The following SSC4D variants were observed in gnomAD, a reference collection of about 807,000 sequenced individuals.
SSC4D encodes the protein scavenger receptor cysteine rich family member with 4 domains, also known as scavenger receptor cysteine-rich domain-containing group B protein.
Under a neutral mutation model 63.4 loss-of-function variants are expected in SSC4D, and 57 were observed. The ratio of observed to expected loss-of-function variants is 0.90; its 90% CI spans 0.73 to 1.12. SSC4D has a LOEUF of 1.12. SSC4D is among the 50% of genes most tolerant of loss of function. The pLI is 0.00. For synonymous variants in SSC4D, 352 were observed against 345.4 expected, an observed-to-expected ratio of 1.02 and a Z score of -0.21; for missense variants, 791 against 806.4, an observed-to-expected ratio of 0.98 and a Z score of 0.23.
chr7:76,395,496 C>T (rs1251325074), intron 6 of SSC4D, among the ~76,000 whole-genome samples, 166 bp from the exon 7 acceptor site: 2 of 152,196 alleles, frequency 1.3e-5, no homozygotes, highest in African/African-American at 4.8e-5. Flanking sequence ...CCTGTCCCCA[C>T]TTTGATAGTG....
At chr7:76,395,015 C>T (rs1804604089) in intron 7 of SSC4D, among the ~76,000 whole-genome samples, 1 of 151,914 alleles carries the variant, frequency 6.6e-6, no homozygotes. Flanking sequence ...AATTTTACTT[C>T]TGTGCTTTGA....
chr7:76,397,592 A>G lies in SSC4D; in HGVS notation c.794T>C (p.Leu265Pro). Residue 265 changes from leucine to proline, a missense_variant, in exon 6 of 11, where the codon CTG (leucine) becomes CCG (proline). Coordinates refer to ENST00000275560, the MANE Select transcript of SSC4D (RefSeq NM_080744.2). ...NVHCEGGEPRLAACQSLGWGV... is the reference protein window; with the variant it reads ...NVHCEGGEPRPAACQSLGWGV... ...CCAGCCCAGGCTCTGGCAGGCTGCC[A>G]GGCGGGGCTCGCCGCCTTCGCAGTG... 1 of 1,611,286 alleles carries G rather than the reference A, an allele frequency of 6.2e-7. No individual in the cohort carries two copies. Among genetic ancestry groups the G allele is most frequent in the Non-Finnish European group, 8.5e-7 (1 of 1,179,008 alleles).
rs765193217 is a variant in SSC4D, at chr7:76,397,696, C to T, written c.690G>A (p.Leu230=). 4 of 1,613,356 alleles carry T rather than the reference C, an allele frequency of 2.5e-6. No homozygotes were observed. The highest frequency in any genetic ancestry group is 1.3e-5 in the African/African-American group (1 of 74,938). ...LPDAAVVCRQ[L]GCGAAMAATT... is the part of the protein sequence containing the mutation. ...TGGCGGCCATGGCCGCCCCGCAGCC[C>T]AGCTGACGACAGACCACAGCGGCAT... The change falls in exon 6 of 11, where the codon CTG becomes CTA. Residue 230 remains leucine (L), a synonymous_variant. Coordinates refer to ENST00000275560, the MANE Select transcript of SSC4D (RefSeq NM_080744.2).
In SSC4D at chr7:76,390,034, G is replaced by C; in HGVS notation, c.*25C>G. The C allele has an allele frequency of 6.2e-7, 1 of 1,613,536 alleles. No homozygotes were observed. The highest frequency in any genetic ancestry group is 8.5e-7 in the Non-Finnish European group (1 of 1,179,588). ...AGGGAGGTCACAGCTCCCAGAAGAA[G>C]AGGTGGTCTGCAGAGCGGGCTGGGT... On this transcript the variant is annotated 3_prime_UTR_variant, in exon 11 of 11. Transcript: ENST00000275560.
rs756213308 is a variant in SSC4D at position 76,397,538 on chromosome 7, T to G, written c.848A>C (p.Asp283Ala). ...CGCACCTGCGCAGAGCGCGCCCGCG[T>G]CCTCGTGGTGGCCGCAGTTGTGCAC... ...WGVHNCGHHE[D>A]AGALCAGLGP... The change falls in exon 6 of 11, where the codon GAC (aspartate) becomes GCC (alanine). Residue 283 changes from aspartate to alanine, a missense_variant. Asp to Ala is a moderately radical substitution (Grantham distance 126). Transcript: ENST00000275560. The G allele has an allele frequency of 5.6e-5, 88 of 1,582,084 alleles. No individual in the cohort carries two copies. Among genetic ancestry groups the G allele is most frequent in the Non-Finnish European group, 7.6e-5 (88 of 1,164,976 alleles).
intron 6 of SSC4D, 59 bp downstream of exon 6, chr7:76,397,459 A>T (rs562448682): frequency 2.8e-6 from 4 of 1,435,520 alleles, no homozygotes; most frequent in Non-Finnish European, 3.6e-6. Flanking sequence ...CTCCTCCAGC[A>T]TTGCCACAGG....
chr7:76,405,271 TTATATATATATATA>T lies in SSC4D; in HGVS notation c.-66-780_-66-767del, dbSNP rs1171830870. 9.8e-3 allele frequency among the ~76,000 whole-genome samples: 90 copies of T among 9,138 alleles called. 1 individual carries two copies. The highest frequency in any genetic ancestry group is 0.016 in the East Asian group (2 of 128). The allele number at this position is 9,138 out of a possible 152,430, so 6.0% of individuals were successfully genotyped here. On this transcript the variant is annotated intron_variant, in intron 1 of 10. Coordinates refer to ENST00000275560, the MANE Select transcript of SSC4D (RefSeq NM_080744.2). ...GGCGTGCATCACCACACCCAGCTAA[TTATATATATATATA>T]TATATATATATATATATATATATAT...
chr7:76,401,186 A>G, intron 2 of SSC4D, 143 bp from the exon 3 acceptor site: 1 of 1,209,954 alleles, frequency 8.3e-7, no homozygotes, highest in Non-Finnish European at 1.1e-6. Flanking sequence ...CCAAAGCCCC[A>G]TTGTCTCTTT....
At chr7:76,394,609 G>A (rs1266995627) in intron 7 of SSC4D, among the ~76,000 whole-genome samples, 1 of 149,206 alleles carries the variant, frequency 6.7e-6, no homozygotes, top group African/African-American at 2.4e-5. Context: ...TGTATTTTTA[G>A]TAGGGATGGG....
chr7:76,393,927 G>A (rs1313942740), intron 7 of SSC4D, 23 bp from the exon 8 acceptor site: 2 of 1,582,842 alleles, frequency 1.3e-6, no homozygotes, highest in South Asian at 2.3e-5. Context: ...GGCATCTAGG[G>A]CGTTCGAAGG....
chr7:76,400,607 A>G lies in SSC4D; in HGVS notation c.170-16T>C. On this transcript the variant is annotated splice_polypyrimidine_tract_variant and intron_variant, in intron 3 of 10. Coordinates refer to ENST00000275560, the MANE Select transcript of SSC4D (RefSeq NM_080744.2). ...AGCCTCAGCTCTGTGAAGAGGGTGG[A>G]GCTGGCACCAGGGGGTCACTGAGTC... 1 of 1,439,684 alleles carries G rather than the reference A, an allele frequency of 6.9e-7. No homozygotes were observed. The highest frequency in any genetic ancestry group is 1.5e-5 in the South Asian group (1 of 67,676). The allele number at this position is 1,439,684 out of a possible 1,614,324, so 89.2% of individuals were successfully genotyped here.
rs1465844644 is a variant in SSC4D at position 76,397,725 on chromosome 7, G to A, written c.661C>T (p.Pro221Ser). 6.2e-7 allele frequency: 1 copy of A among 1,613,326 alleles called. No individual in the cohort carries two copies. The highest frequency in any genetic ancestry group is 8.5e-7 in the Non-Finnish European group (1 of 1,179,814). Residue 221 changes from proline (P) to serine (S), a missense_variant, in exon 6 of 11, where the codon CCG (proline) becomes TCG (serine). Transcript: ENST00000275560. ...TGACGACAGACCACAGCGGCATCCG[G>A]CAGCCCCCAGTCGTCGTCACACACG... ...GTVCDDDWGL[P>S]DAAVVCRQLG...
intron 6 of SSC4D, among the ~76,000 whole-genome samples, chr7:76,396,784 AG>A (rs1409459509): frequency 6.6e-6 from 1 of 152,202 alleles, no homozygotes; most frequent in East Asian, 1.9e-4. Context: ...TCTGTGAAAT[AG>A]CATTATTGGC....
At chr7:76,405,317 G>C (rs1339090961) in intron 1 of SSC4D, among the ~76,000 whole-genome samples, 24 of 15,648 alleles carry the variant, frequency 1.5e-3, no homozygotes, top group Admixed American at 2.6e-3. Context: ...ATATATATAT[G>C]TATTTTTTTC....
intron 7 of SSC4D, 42 bp downstream of exon 7, chr7:76,395,211 C>T (rs1804608324): frequency 1.9e-6 from 3 of 1,608,902 alleles, no homozygotes; most frequent in African/African-American, 2.7e-5. Context: ...GCCGCACCCA[C>T]CATACCCCTA....
At chr7:76,402,374 G>A (rs534033146) in intron 2 of SSC4D, among the ~76,000 whole-genome samples, 1 of 151,952 alleles carries the variant, frequency 6.6e-6, no homozygotes, top group Non-Finnish European at 1.5e-5. Context: ...TAGAAATGGG[G>A]TCTCACCATG....
chr7:76,392,538 C>CAA (rs1172136856), intron 9 of SSC4D, among the ~76,000 whole-genome samples: 276 of 111,428 alleles, frequency 2.5e-3, no homozygotes, highest in African/African-American at 8.8e-3. Context: ...GACTCTGTCT[C>CAA]AAAAAAAAAA....
intron 2 of SSC4D, among the ~76,000 whole-genome samples, chr7:76,403,266 T>C (rs905855435): frequency 1.3e-5 from 2 of 152,146 alleles, no homozygotes; most frequent in African/African-American, 4.8e-5. Flanking sequence ...GTATGACAGT[T>C]CTGACACTTT....
At chr7:76,409,308 C>CTCTT (rs1454963330) in intron 1 of SSC4D, 106 bp downstream of exon 1, 6 of 113,430 alleles carry the variant, frequency 5.3e-5, no homozygotes, top group African/African-American at 2.0e-4. Flanking sequence ...CTCTCTCTCT[C>CTCTT]TCTCTCTCTC....
Sources: gnomAD v4.1 joint callset for allele counts (sites outside exome capture counted in the v4.1 genomes callset) on GRCh38, gnomAD v4.1.1 for gene constraint, MANE v1.5 for transcripts, NCBI Gene and HGNC (gene_info 2026-07-23, HGNC 2026-07-21) for gene names.